The following GPM6B variants were observed in gnomAD, a reference collection of about 807,000 sequenced individuals.
The protein encoded by GPM6B is neuronal membrane glycoprotein M6-b.
In GPM6B, 4 loss-of-function variants were observed where a neutral mutation model predicts 27.2. The ratio of observed to expected loss-of-function variants is 0.15; its 90% confidence interval spans 0.07 to 0.34. GPM6B has a LOEUF of 0.34. Among genes scored for constraint, GPM6B ranks in the 10% least tolerant of loss-of-function variants. The probability of loss-of-function intolerance (pLI) is 1.00; values close to 1 mark genes in which losing one functional copy is unlikely to be tolerated. For missense variants in GPM6B, 183 were observed against 261.9 expected, an observed-to-expected ratio of 0.70 and a Z score of 2.08; for synonymous variants, 124 against 103.1, an observed-to-expected ratio of 1.20 and a Z score of -1.23.
intron 7 of GPM6B, 110 bp downstream of exon 7, chrX:13,776,128 G>T: frequency 1.6e-6 from 1 of 606,242 alleles, no homozygotes; most frequent in Non-Finnish European, 2.8e-6. Flanking sequence ...CCAAGGTTGA[G>T]TGCCAGAATC....
chrX:13,810,915 A>G (rs983168777), intron 1 of GPM6B, among the ~76,000 whole-genome samples: 9 of 111,824 alleles, frequency 8.0e-5, no homozygotes, highest in Non-Finnish European at 1.7e-4. Context: ...TATATTTTTG[A>G]GCCAAATTTA....
At chrX:13,916,265 A>G (rs2050427585) in intron 1 of GPM6B, among the ~76,000 whole-genome samples, 1 of 112,316 alleles carries the variant, frequency 8.9e-6, no homozygotes, top group Non-Finnish European at 1.9e-5. Context: ...AGAAGCTCAC[A>G]GTGGAAGCAG....
intron 4 of GPM6B, among the ~76,000 whole-genome samples, chrX:13,781,452 A>ATAT (rs1276894941): frequency 1.8e-5 from 2 of 112,069 alleles, no homozygotes; most frequent in African/African-American, 6.5e-5. Flanking sequence ...CCACAAGGAA[A>ATAT]TTCCTCGTGG....
At chrX:13,801,532 T>C (rs1462762011) in intron 2 of GPM6B, among the ~76,000 whole-genome samples, 2 of 112,388 alleles carry the variant, frequency 1.8e-5, no homozygotes, top group East Asian at 5.5e-4. Flanking sequence ...TTTTTGGCTT[T>C]GCAGGGTGTA....
At chrX:13,783,215 T>A (rs1229987158) in intron 4 of GPM6B, 150 bp downstream of exon 4, 2 of 435,527 alleles carry the variant, frequency 4.6e-6, no homozygotes, top group African/African-American at 5.0e-5. Context: ...GTTTTTATAG[T>A]CCTAACTCTA....
Position 13,790,320 on chromosome X carries a change from G to A in GPM6B, c.182-4512C>T, listed in dbSNP as rs192738868. Among the ~76,000 whole-genome samples the A allele has an allele frequency of 1.2e-4, 14 of 112,499 alleles. No homozygotes were observed. The Admixed American group carries it at 1.3e-3, about 11-fold the overall frequency. ...TATCAGAGGTCAAGAAAAGATATGA[G>A]TGGACCATTTGTCATTTGTCAATTC... On this transcript the variant is annotated intron_variant, in intron 2 of 7. Coordinates refer to ENST00000316715, the MANE Select transcript of GPM6B (RefSeq NM_001001995.3).
chrX:13,786,861 C>T lies in GPM6B; in HGVS notation c.182-1053G>A, dbSNP rs747103825. ...TTTCAGTTTGGAGACATTTACGTTT[C>T]AGTAAAGGCAGCACTGGCCTCAGGA... On this transcript the variant is annotated intron_variant, in intron 2 of 7. Transcript: ENST00000316715. 1.0e-4 allele frequency among the ~76,000 whole-genome samples: 11 copies of T among 109,560 alleles called. No homozygotes were observed. The South Asian group carries it at 4.3e-3, about 43-fold the overall frequency.
chrX:13,780,833 A>G, intron 4 of GPM6B: 2 of 223,805 alleles, frequency 8.9e-6, no homozygotes, highest in South Asian at 9.0e-5. Flanking sequence ...GAGGGTGTGG[A>G]GTGCTAGTTT....
At chrX:13,938,503 T>TTACC (rs1231939332), upstream of GPM6B, 12 of 949,461 alleles carry the variant, frequency 1.3e-5, no homozygotes, top group Non-Finnish European at 1.6e-5. Context: ...GCGCGCTCGC[T>TTACC]TACCCATGGC....
At chrX:13,841,748 A>G (rs1398738956) in intron 1 of GPM6B, among the ~76,000 whole-genome samples, 9 of 111,467 alleles carry the variant, frequency 8.1e-5, no homozygotes, top group African/African-American at 2.9e-4. Flanking sequence ...ACTTTCATGG[A>G]GTTGTTCAAC....
At chrX:13,812,048 CT>C (rs1187553585) in intron 1 of GPM6B, among the ~76,000 whole-genome samples, 18 of 88,881 alleles carry the variant, frequency 2.0e-4, no homozygotes, top group East Asian at 3.6e-4. Flanking sequence ...TCTTTTCTTT[CT>C]TTTTTTTTTT....
chrX:13,858,187 C>G (rs1456649225), intron 1 of GPM6B, among the ~76,000 whole-genome samples: 1 of 112,010 alleles, frequency 8.9e-6, no homozygotes, highest in Non-Finnish European at 1.9e-5. Context: ...CAACAAAAAT[C>G]CTACTTCTCT....
At chrX:13,906,780 G>A (rs184397455) in intron 1 of GPM6B, among the ~76,000 whole-genome samples, 3 of 112,015 alleles carry the variant, frequency 2.7e-5, no homozygotes, top group African/African-American at 9.7e-5. Context: ...AATCACCCAA[G>A]TTCATAAACT....
intron 4 of GPM6B, among the ~76,000 whole-genome samples, chrX:13,782,339 A>C (rs923878741): frequency 4.5e-5 from 5 of 111,412 alleles, no homozygotes; most frequent in African/African-American, 1.6e-4. Context: ...AGTACAAACA[A>C]GCTCCTCTCC....
At chrX:13,871,294 C>A (rs1265888892) in intron 1 of GPM6B, among the ~76,000 whole-genome samples, 2 of 111,325 alleles carry the variant, frequency 1.8e-5, no homozygotes, top group African/African-American at 6.5e-5. Context: ...AACCCTAAAT[C>A]TTTAGTAAAG....
At chrX:13,835,334 G>A (rs1344241908) in intron 1 of GPM6B, among the ~76,000 whole-genome samples, 2 of 112,236 alleles carry the variant, frequency 1.8e-5, no homozygotes. Context: ...CAGCAAGAAT[G>A]GCCAATAAAA....
intron 1 of GPM6B, among the ~76,000 whole-genome samples, chrX:13,842,535 C>T (rs773162209): frequency 4.5e-5 from 5 of 111,029 alleles, no homozygotes; most frequent in South Asian, 3.9e-4. Flanking sequence ...ATCCCTCTGC[C>T]AGCAGTAATT....
intron 4 of GPM6B, among the ~76,000 whole-genome samples, chrX:13,782,080 G>A (rs947705050): frequency 8.9e-6 from 1 of 111,816 alleles, no homozygotes; most frequent in African/African-American, 3.3e-5. Context: ...CTCCAAGGCA[G>A]GTCAGCATTG....
At chrX:13,817,373 T>C, upstream of GPM6B, 1 of 752,501 alleles carries the variant, frequency 1.3e-6, no homozygotes, top group Non-Finnish European at 1.6e-6. Context: ...TGCTAATTAA[T>C]TCTCCCAGGA....
Sources: gnomAD v4.1 joint callset for allele counts (sites outside exome capture counted in the v4.1 genomes callset) on GRCh38, gnomAD v4.1.1 for gene constraint, MANE v1.5 for transcripts, NCBI Gene and HGNC (gene_info 2026-07-23, HGNC 2026-07-21) for gene names.